TTC7B: variants seen among roughly 807,000 people sequenced by gnomAD.
The protein encoded by TTC7B is tetratricopeptide repeat domain 7B.
A neutral mutation model predicts 106.8 loss-of-function variants in TTC7B; 28 were observed. The observed-to-expected ratio is 0.26, with a 90% confidence interval of 0.19 to 0.36. The LOEUF is 0.36. TTC7B is among the 10% of genes least tolerant of loss of function. The pLI, the probability that TTC7B is intolerant of heterozygous loss-of-function variation, is 1.00. For missense variants in TTC7B, 862 were observed against 1,076.4 expected, an observed-to-expected ratio of 0.80 and a Z score of 2.79; for synonymous variants, 405 against 430.6, an observed-to-expected ratio of 0.94 and a Z score of 0.74.
chr14:90,816,230 C>G lies in TTC7B; in HGVS notation c.66G>C (p.Gln22His), dbSNP rs772228446. 3 of 1,273,264 alleles carry G rather than the reference C, an allele frequency of 2.4e-6. No individual in the cohort carries two copies. Among genetic ancestry groups the G allele is most frequent in the Non-Finnish European group, 2.0e-6 (2 of 977,692 alleles). 78.9% of individuals were successfully genotyped at this position (1,273,264 alleles called of 1,614,324 possible). ...TGACGAGCTCAGGGATCCGCTCCCA[C>G]TGGCACTCGGAGCGGCAGCGCTCGA... is the stretch of plus-strand genomic sequence containing the variant. ...TEIERCRSECQWERIPELVKQ... is the reference protein window; with the variant it reads ...TEIERCRSECHWERIPELVKQ... The change falls in exon 1 of 20, where the codon CAG becomes CAC. Residue 22 changes from glutamine (Q) to histidine (H), a missense_variant. Coordinates refer to ENST00000328459, the MANE Select transcript of TTC7B (RefSeq NM_001010854.2).
intron 13 of TTC7B, 79 bp from the exon 14 acceptor site, chr14:90,647,102 A>G (rs1450733751): frequency 8.0e-7 from 1 of 1,244,744 alleles, no homozygotes; most frequent in Non-Finnish European, 1.2e-6. Context: ...TCTTCTCCAC[A>G]TTTGCATTCT....
chr14:90,733,483 T>C (rs1363302621), intron 4 of TTC7B, among the ~76,000 whole-genome samples: 2 of 152,230 alleles, frequency 1.3e-5, no homozygotes, highest in African/African-American at 4.8e-5. Flanking sequence ...TTGGAGGGAC[T>C]AGCATAGCTC....
At position 90,550,049 on chromosome 14, in the gene TTC7B, A is replaced by C. The variant is rs567626593; in HGVS notation, c.2311-8460T>G. Among the ~76,000 whole-genome samples the C allele has an allele frequency of 3.3e-5, 5 of 152,340 alleles. 1 individual carries two copies. The South Asian group carries it at 8.3e-4, about 25-fold the overall frequency. On this transcript the variant is annotated intron_variant, in intron 19 of 19. Coordinates refer to ENST00000328459, the MANE Select transcript of TTC7B (RefSeq NM_001010854.2). ...GCAAGGGTTAAGTCACATATCCCTG[A>C]AAGAATACACCGCCTTCTAACTGCC...
chr14:90,743,562 C>T (rs1278515994), intron 4 of TTC7B, among the ~76,000 whole-genome samples: 1 of 152,176 alleles, frequency 6.6e-6, no homozygotes, highest in Non-Finnish European at 1.5e-5. Context: ...ATCTCTGGGT[C>T]TGAAGGGGTC....
chr14:90,730,900 G>C (rs1046355271), intron 4 of TTC7B, among the ~76,000 whole-genome samples: 16 of 152,316 alleles, frequency 1.1e-4, no homozygotes, highest in African/African-American at 3.6e-4. Context: ...CTAATCAGGA[G>C]GAAGACTTGC....
chr14:90,541,618 G>A (rs1456094471), intron 19 of TTC7B, 29 bp from the exon 20 acceptor site: 1 of 1,511,998 alleles, frequency 6.6e-7, no homozygotes, highest in Non-Finnish European at 8.9e-7. Flanking sequence ...GAGAGAGACA[G>A]TCAGCCATGG....
intron 17 of TTC7B, among the ~76,000 whole-genome samples, chr14:90,604,510 T>A (rs775800020): frequency 8.5e-5 from 13 of 152,180 alleles, no homozygotes; most frequent in Non-Finnish European, 1.8e-4. Context: ...TTTGTGTGTG[T>A]GAGAGCTGAA....
intron 17 of TTC7B, among the ~76,000 whole-genome samples, chr14:90,597,843 G>A (rs1237832680): frequency 6.6e-6 from 1 of 152,160 alleles, no homozygotes; most frequent in Non-Finnish European, 1.5e-5. Context: ...CGGCAAACAT[G>A]TTCCTGCATC....
Position 90,600,165 on chromosome 14 carries a change from G to C in TTC7B, c.1967-6539C>G, listed in dbSNP as rs1320116212. On this transcript the variant is annotated intron_variant, in intron 17 of 19. Coordinates refer to ENST00000328459, the MANE Select transcript of TTC7B (RefSeq NM_001010854.2). This position sits in a 1 kb window ranked among gnomAD's most constrained non-coding sequence, Gnocchi z 4.3. ...GTCCACTCCCACTTCGGCCCTCAAA[G>C]CAGGCATATTTCTCCATACCTTTTA... is the stretch of plus-strand genomic sequence containing the variant. Among the ~76,000 whole-genome samples the C allele has an allele frequency of 6.6e-6, 1 of 152,186 alleles. No individual in the cohort carries two copies. Among genetic ancestry groups the C allele is most frequent in the Non-Finnish European group, 1.5e-5 (1 of 68,032 alleles).
rs1890790287 is a variant in TTC7B at position 90,769,399 on chromosome 14, T to C, written c.445+11339A>G. Among the ~76,000 whole-genome samples, 3 of 152,164 alleles carry C rather than the reference T, an allele frequency of 2.0e-5. No homozygotes were observed. The South Asian group carries it at 6.2e-4, about 31-fold the overall frequency. ...ATTGACAGAATGGATTTAAAAAACA[T>C]GATCCAACTATATGCCGTCTACAAG... On this transcript the variant is annotated intron_variant, in intron 3 of 19. Coordinates refer to ENST00000328459, the MANE Select transcript of TTC7B (RefSeq NM_001010854.2).
At chr14:90,623,385 G>A (rs987059639) in intron 15 of TTC7B, among the ~76,000 whole-genome samples, 2 of 152,156 alleles carry the variant, frequency 1.3e-5, no homozygotes, top group African/African-American at 4.8e-5. Flanking sequence ...CCAAATCCAT[G>A]TGAATAAGAA....
intron 19 of TTC7B, among the ~76,000 whole-genome samples, chr14:90,561,736 C>T (rs774403535): frequency 3.0e-4 from 45 of 152,214 alleles, no homozygotes; most frequent in Non-Finnish European, 4.7e-4. Context: ...TGCTGAGACC[C>T]TTCCTGTGCA....
intron 8 of TTC7B, among the ~76,000 whole-genome samples, chr14:90,677,197 T>A (rs111282955): frequency 3.2e-3 from 486 of 152,312 alleles, no homozygotes; most frequent in African/African-American, 0.011. Context: ...AATCCCTATA[T>A]GACATCTTCA....
chr14:90,777,189 G>A (rs574318497), intron 3 of TTC7B, among the ~76,000 whole-genome samples: 23 of 152,186 alleles, frequency 1.5e-4, no homozygotes, highest in Non-Finnish European at 2.6e-4. Context: ...GCAGTGGGCC[G>A]AGATTGTGCC....
intron 19 of TTC7B, among the ~76,000 whole-genome samples, chr14:90,543,813 C>A (rs532069834): frequency 2.2e-4 from 33 of 152,358 alleles, no homozygotes; most frequent in African/African-American, 7.9e-4. Context: ...GCAGTGTGAG[C>A]ATGTCACTCA....
In TTC7B at chr14:90,689,576, G is replaced by A. The variant is rs1245154813; in HGVS notation, c.914C>T (p.Thr305Ile). The A allele has an allele frequency of 8.7e-6, 14 of 1,614,132 alleles. No individual in the cohort carries two copies. In the East Asian group the frequency reaches 3.1e-4, roughly 36 times the overall value. The stretch of plus-strand genomic sequence containing the variant: ...GTAGACACGGGCTCTCCGAGTGAGA[G>A]TGTAGGTTTTTGTGTTTGCTCCTTT... ...LRKGANTKTYTLTRRARVYSG... is the reference protein window; with the variant it reads ...LRKGANTKTYILTRRARVYSG... Residue 305 changes from threonine (T) to isoleucine (I), a missense_variant, in exon 7 of 20, where the codon ACT (threonine) becomes ATT (isoleucine). Transcript: ENST00000328459.
At chr14:90,793,999 T>C (rs1272870463) in intron 1 of TTC7B, among the ~76,000 whole-genome samples, 2 of 151,838 alleles carry the variant, frequency 1.3e-5, no homozygotes, top group Non-Finnish European at 2.9e-5. Context: ...GCCTCCCAGG[T>C]TCAAGCAAGT....
chr14:90,733,281 C>G (rs1484105370), intron 4 of TTC7B, among the ~76,000 whole-genome samples: 1 of 151,836 alleles, frequency 6.6e-6, no homozygotes, highest in African/African-American at 2.4e-5. Context: ...ACTGCTCCAC[C>G]AAGTGAGGTG....
At chr14:90,607,105 TGGG>T in intron 17 of TTC7B, among the ~76,000 whole-genome samples, 1 of 152,170 alleles carries the variant, frequency 6.6e-6, no homozygotes, top group South Asian at 2.1e-4. Context: ...AACTCACTGG[TGGG>T]TAACGGGAAT....
Sources: gnomAD v4.1 joint callset for allele counts (sites outside exome capture counted in the v4.1 genomes callset) on GRCh38, gnomAD v4.1.1 for gene constraint, Gnocchi (gnomAD v3.1) non-coding constraint, MANE v1.5 for transcripts, NCBI Gene and HGNC (gene_info 2026-07-23, HGNC 2026-07-21) for gene names.